Variants in FAM184A observed in about 807,000 individuals in gnomAD.
FAM184A encodes family with sequence similarity 184 member A.
FAM184A carries 99 observed loss-of-function variants against 143.8 expected under a neutral mutation model. That is an observed-to-expected ratio of 0.69 (90% CI 0.58 to 0.81). The LOEUF is 0.81. Among genes scored for constraint, FAM184A ranks in the 40% least tolerant of loss-of-function variants. The pLI, the probability that FAM184A is intolerant of heterozygous loss-of-function variation, is 0.00. For missense variants in FAM184A, 1,217 were observed against 1,310.5 expected, an observed-to-expected ratio of 0.93 and a Z score of 1.10; for synonymous variants, 427 against 446.4, an observed-to-expected ratio of 0.96 and a Z score of 0.55.
At chr6:119,122,838 C>A (rs1562159550) in intron 1 of FAM184A, among the ~76,000 whole-genome samples, 1 of 139,480 alleles carries the variant, frequency 7.2e-6, no homozygotes, top group Non-Finnish European at 1.5e-5. Flanking sequence ...GGTGGGAGGA[C>A]TGCTTGAACC....
intron 1 of FAM184A, among the ~76,000 whole-genome samples, chr6:119,076,975 T>C (rs111365051): frequency 6.6e-6 from 1 of 152,248 alleles, no homozygotes; most frequent in Non-Finnish European, 1.5e-5. Context: ...GTTTTACTGT[T>C]ATGTACCTGT....
intron 1 of FAM184A, among the ~76,000 whole-genome samples, chr6:119,098,248 G>A (rs1305491752): frequency 4.6e-5 from 7 of 152,014 alleles, no homozygotes; most frequent in African/African-American, 1.2e-4. Context: ...CATGCCTTTC[G>A]CCTTCCACCA....
intron 1 of FAM184A, among the ~76,000 whole-genome samples, chr6:119,058,175 CTTTTTTTTTTTTTTT>C (rs5879483): frequency 5.6e-5 from 5 of 89,716 alleles, no homozygotes; most frequent in Non-Finnish European, 1.0e-4. Flanking sequence ...CTCCTTCTCT[CTTTTTTTTTTTTTTT>C]TTTTTTTTTT....
intron 1 of FAM184A, among the ~76,000 whole-genome samples, chr6:119,052,423 C>A (rs189481695): frequency 4.6e-5 from 7 of 152,318 alleles, no homozygotes; most frequent in Admixed American, 3.3e-4. Context: ...CACCCTAATG[C>A]AAGCCACCAC....
In FAM184A at chr6:119,046,537, T is replaced by C. The variant is rs538333380; in HGVS notation, c.160-21724A>G. ...CCAAGTTGATCTTCAAACGACCAATTTTGTAGTGATTGTTATACCTACCAA... is the reference window on the plus strand; with the variant it reads ...CCAAGTTGATCTTCAAACGACCAATCTTGTAGTGATTGTTATACCTACCAA... On this transcript the variant is annotated intron_variant, in intron 1 of 17. Coordinates refer to ENST00000338891, the MANE Select transcript of FAM184A (RefSeq NM_024581.6). Among the ~76,000 whole-genome samples, 3 of 149,100 alleles carry C rather than the reference T, an allele frequency of 2.0e-5. No homozygotes were observed. In the East Asian group the frequency reaches 6.0e-4, roughly 30 times the overall value.
In FAM184A at chr6:118,974,904, G is replaced by A. The variant is rs1583771553; in HGVS notation, c.2768+120C>T. ...TAGTCATCAAATAAAGTAAAAAGAG[G>A]TCTTCAATATTTTACTAGAGAGCCA... is the stretch of plus-strand genomic sequence containing the variant. On this transcript the variant is annotated intron_variant, in intron 13 of 17. Transcript: ENST00000338891. 8.7e-6 allele frequency: 6 copies of A among 690,282 alleles called. No homozygotes were observed. The East Asian group carries it at 1.4e-4, about 16-fold the overall frequency. 42.8% of individuals were successfully genotyped at this position (690,282 alleles called of 1,614,324 possible).
intron 1 of FAM184A, among the ~76,000 whole-genome samples, chr6:119,103,690 G>A (rs1465371889): frequency 1.3e-5 from 2 of 152,126 alleles, no homozygotes; most frequent in African/African-American, 2.4e-5. Context: ...CACTTTGGGA[G>A]GCTGTGACAG....
chr6:119,131,730 C>G (rs1283273213), intron 1 of FAM184A, among the ~76,000 whole-genome samples: 2 of 152,046 alleles, frequency 1.3e-5, no homozygotes, highest in African/African-American at 2.4e-5. Context: ...GCCATCCCCC[C>G]ACCCAGCCCC....
Position 119,146,407 on chromosome 6 carries a change from T to C in FAM184A, c.-202+2671A>G, listed in dbSNP as rs1296972404. 2.0e-5 allele frequency among the ~76,000 whole-genome samples: 3 copies of C among 149,294 alleles called. No homozygotes were observed. In the East Asian group the frequency reaches 5.9e-4, roughly 29 times the overall value. ...TTCCCGATTAACTTACGTGTGTGTG[T>C]GTGTGTGTGTGTGTGTGTGTGTGTG... On this transcript the variant is annotated intron_variant, in intron 1 of 16. Coordinates refer to the FAM184A transcript ENST00000352896.
chr6:118,981,928 GTTATT>G (rs1784037073), intron 9 of FAM184A, among the ~76,000 whole-genome samples: 1 of 152,168 alleles, frequency 6.6e-6, no homozygotes, highest in South Asian at 2.1e-4. Context: ...GGTTTCAGAG[GTTATT>G]TTAAAGTTTT....
chr6:119,120,820 CTTT>C lies in FAM184A; in HGVS notation c.-202+28255_-202+28257del, dbSNP rs768338933. On this transcript the variant is annotated intron_variant, in intron 1 of 16. Coordinates refer to the FAM184A transcript ENST00000352896. ...TGATGGTTTTTCTCTTTCTTTCTTT[CTTT>C]CTTCCTTTCTTTCTTTCTTTCTTTC... Among the ~76,000 whole-genome samples the C allele has an allele frequency of 8.6e-3, 1,187 of 137,644 alleles. 35 individuals carry two copies. Among genetic ancestry groups the C allele is most frequent in the Admixed American group, 0.023 (321 of 13,672 alleles). 90.3% of individuals were successfully genotyped at this position (137,644 alleles called of 152,430 possible).
In FAM184A at chr6:119,006,230, TGCCAACACCTTGATGTTGGACTTCTA is replaced by T; in HGVS notation, c.1815+191_1815+216del. 5.3e-6 allele frequency: 4 copies of T among 751,540 alleles called. No individual in the cohort carries two copies. In the South Asian group the frequency reaches 5.5e-5, roughly 10 times the overall value. The allele number at this position is 751,540 out of a possible 1,614,324, so 46.6% of individuals were successfully genotyped here. The stretch of plus-strand genomic sequence containing the variant: ...TAGAGTTTAGGAAGGAACATAGCTG[TGCCAACACCTTGATGTTGGACTTCTA>T]GCCTCCAGAGCTATGAGAGAATAAA... On this transcript the variant is annotated intron_variant, in intron 7 of 17. Transcript: ENST00000338891.
chr6:119,107,196 C>T (rs1788809602), intron 1 of FAM184A, among the ~76,000 whole-genome samples: 1 of 152,098 alleles, frequency 6.6e-6, no homozygotes, highest in African/African-American at 2.4e-5. Context: ...TCATCTGTCT[C>T]ATGGAAACTT....
rs147661678 is a variant in FAM184A at position 118,989,197 on chromosome 6, G to A, written c.2089-8847C>T. 4.3e-3 allele frequency among the ~76,000 whole-genome samples: 616 copies of A among 143,868 alleles called. 5 individuals are homozygous for A. The highest frequency in any genetic ancestry group is 0.014 in the African/African-American group (550 of 38,784). The allele number at this position is 143,868 out of a possible 152,430, so 94.4% of individuals were successfully genotyped here. On this transcript the variant is annotated intron_variant, in intron 9 of 17. Coordinates refer to ENST00000338891, the MANE Select transcript of FAM184A (RefSeq NM_024581.6). Reference sequence around the variant, plus strand: ...AGGATGGTCTTGATCTCCTGACCTCGTGATCTGCCCACCTCAGCCTCCCAA... The same window carrying A: ...AGGATGGTCTTGATCTCCTGACCTCATGATCTGCCCACCTCAGCCTCCCAA...
intron 1 of FAM184A, among the ~76,000 whole-genome samples, chr6:119,039,576 A>G (rs1280259962): frequency 1.3e-5 from 2 of 152,252 alleles, no homozygotes; most frequent in African/African-American, 4.8e-5. Context: ...AAAAGGCAGA[A>G]GTATGAAGAT....
chr6:119,071,926 C>T (rs148595658), intron 1 of FAM184A, among the ~76,000 whole-genome samples: 64 of 131,824 alleles, frequency 4.9e-4, no homozygotes, highest in African/African-American at 1.6e-3. Flanking sequence ...AGTGCAGTGG[C>T]ATGATCTCAA....
At chr6:119,110,404 G>T (rs1365496233) in intron 1 of FAM184A, among the ~76,000 whole-genome samples, 1 of 152,098 alleles carries the variant, frequency 6.6e-6, no homozygotes. Context: ...GCAGACTTGA[G>T]CTTCTATCTC....
intron 9 of FAM184A, among the ~76,000 whole-genome samples, chr6:118,985,570 A>G (rs1450126834): frequency 1.3e-5 from 2 of 152,068 alleles, no homozygotes; most frequent in East Asian, 1.9e-4. Context: ...TAATAACCAC[A>G]TAGACTTCCT....
chr6:119,007,590 G>T (rs1259133955), intron 6 of FAM184A, among the ~76,000 whole-genome samples: 1 of 152,070 alleles, frequency 6.6e-6, no homozygotes, highest in Admixed American at 6.6e-5. Context: ...CACAGCAAAA[G>T]AATTACCTGT....
Sources: allele counts gnomAD v4.1 joint callset (sites outside exome capture counted in the v4.1 genomes callset), GRCh38; gene constraint gnomAD v4.1.1; transcripts MANE v1.5; gene names NCBI Gene and HGNC (gene_info 2026-07-23, HGNC 2026-07-21).